Variants in FAM227B observed in about 807,000 individuals in gnomAD.
FAM227B encodes the protein family with sequence similarity 227 member B, also known as protein FAM227B.
A neutral mutation model predicts 73.8 loss-of-function variants in FAM227B; 88 were observed. The ratio of observed to expected loss-of-function variants is 1.19; its 90% CI spans 1.00 to 1.42. FAM227B has a LOEUF of 1.42. Among genes scored for constraint, FAM227B ranks in the 40% most tolerant of loss-of-function variants. FAM227B has a pLI of 0.00. For missense variants in FAM227B, 632 were observed against 590.9 expected (o/e 1.07, Z -0.72); for synonymous variants, 210 against 190.5 (o/e 1.10, Z -0.84).
At chr15:49,395,005 G>C (rs1295172937) in intron 11 of FAM227B, among the ~76,000 whole-genome samples, 2 of 152,126 alleles carry the variant, frequency 1.3e-5, no homozygotes, top group Non-Finnish European at 1.5e-5. Flanking sequence ...TTATTTAAGA[G>C]AGGAGGATTA....
chr15:49,366,706 G>C, intron 13 of FAM227B: 1 of 1,348,630 alleles, frequency 7.4e-7, no homozygotes, highest in Non-Finnish European at 1.0e-6. Flanking sequence ...GTGGCGGGTG[G>C]GGTGGCGCGG....
rs2037942465 is a variant in FAM227B, at chr15:49,328,620, G to A, written c.1475C>T (p.Ser492Leu). Residue 492 changes from serine to leucine, a missense_variant, in exon 16 of 16, where the codon TCA becomes TTA. Transcript: ENST00000299338. Reference protein sequence around the residue: ...ECVASLSSSSSSSPSSTDNYN... With the variant: ...ECVASLSSSSLSSPSSTDNYN... The stretch of plus-strand genomic sequence containing the variant: ...GTTGTCTGTTGATGATGGTGATGAT[G>A]ATGATGATGACGATAGTGATGCCAC... The A allele has an allele frequency of 3.1e-6, 5 of 1,588,190 alleles. No individual in the cohort carries two copies. The East Asian group carries it at 1.1e-4, about 36-fold the overall frequency.
At chr15:49,607,875 C>G (rs1181203400) in intron 3 of FAM227B, among the ~76,000 whole-genome samples, 1 of 152,050 alleles carries the variant, frequency 6.6e-6, no homozygotes, top group Non-Finnish European at 1.5e-5. Flanking sequence ...TCTATTTTCC[C>G]CATCTCATTT....
At chr15:49,355,292 GA>G (rs1324456236) in intron 13 of FAM227B, among the ~76,000 whole-genome samples, 1 of 152,158 alleles carries the variant, frequency 6.6e-6, no homozygotes, top group East Asian at 1.9e-4. Flanking sequence ...AAATTACTCT[GA>G]GCTACGGGAG....
intron 1 of FAM227B, among the ~76,000 whole-genome samples, chr15:49,619,943 G>A (rs879680833): frequency 1.3e-5 from 2 of 152,078 alleles, no homozygotes; most frequent in East Asian, 3.8e-4. Context: ...CCATAAAGCA[G>A]TACTTTACTA....
chr15:49,436,572 C>A (rs2051125900), intron 11 of FAM227B, among the ~76,000 whole-genome samples: 1 of 151,552 alleles, frequency 6.6e-6, no homozygotes, highest in Admixed American at 6.6e-5. Context: ...GTGTGCCTGG[C>A]ACTGTGTTAA....
chr15:49,357,109 C>G (rs1159805576), intron 13 of FAM227B, among the ~76,000 whole-genome samples: 3 of 150,860 alleles, frequency 2.0e-5, no homozygotes, highest in Non-Finnish European at 4.4e-5. Context: ...ATTTATAGCA[C>G]TAAATGCCCA....
chr15:49,361,700 T>C (rs1288330867), intron 13 of FAM227B, among the ~76,000 whole-genome samples: 2 of 152,188 alleles, frequency 1.3e-5, no homozygotes, highest in Non-Finnish European at 2.9e-5. Context: ...AGTGTTGCAA[T>C]GAGCATACGC....
chr15:49,403,305 C>G (rs75963747), intron 11 of FAM227B, among the ~76,000 whole-genome samples: 2,649 of 152,206 alleles, frequency 0.017, 100 homozygotes, highest in African/African-American at 0.061. Context: ...AGGGGTCCCT[C>G]CTTTGCAATT....
At chr15:49,420,525 AG>A (rs2049535837) in intron 11 of FAM227B, among the ~76,000 whole-genome samples, 1 of 152,188 alleles carries the variant, frequency 6.6e-6, no homozygotes, top group African/African-American at 2.4e-5. Flanking sequence ...TGCCTGTACA[AG>A]CATAGCGAAA....
At chr15:49,427,050 A>G (rs2050192361) in intron 11 of FAM227B, among the ~76,000 whole-genome samples, 1 of 152,008 alleles carries the variant, frequency 6.6e-6, no homozygotes, top group Non-Finnish European at 1.5e-5. Context: ...GGGAAATGCT[A>G]CAATGAAGAA....
At chr15:49,375,719 C>T (rs1303489283) in intron 11 of FAM227B, among the ~76,000 whole-genome samples, 2 of 152,038 alleles carry the variant, frequency 1.3e-5, no homozygotes, top group African/African-American at 2.4e-5. Flanking sequence ...TAAATGGGTT[C>T]ACAGGCAAAA....
chr15:49,368,348 A>G (rs1288420817), intron 12 of FAM227B, among the ~76,000 whole-genome samples: 2 of 152,124 alleles, frequency 1.3e-5, no homozygotes, highest in African/African-American at 4.8e-5. Flanking sequence ...AAGATTTTTT[A>G]TTGATTCCAC....
At chr15:49,397,626 T>C (rs150246326) in intron 11 of FAM227B, among the ~76,000 whole-genome samples, 29,521 of 151,898 alleles carry the variant, frequency 0.19, 3,081 homozygotes, top group South Asian at 0.26. Context: ...CAAAGGGAAG[T>C]CCATCAGACT....
intron 11 of FAM227B, among the ~76,000 whole-genome samples, chr15:49,406,435 TG>T (rs988358676): frequency 2.0e-5 from 3 of 151,460 alleles, no homozygotes; most frequent in African/African-American, 7.3e-5. Context: ...GGCACGGTGT[TG>T]GGGCGCTGGA....
chr15:49,425,208 T>G (rs1263564166), intron 11 of FAM227B: 1 of 152,008 alleles, frequency 6.6e-6, no homozygotes, highest in Non-Finnish European at 1.5e-5. Flanking sequence ...TTTCCTTAAC[T>G]AAATCTTTTA....
intron 10 of FAM227B, among the ~76,000 whole-genome samples, chr15:49,521,666 G>A (rs1161085245): frequency 6.6e-6 from 1 of 152,182 alleles, no homozygotes; most frequent in Non-Finnish European, 1.5e-5. Flanking sequence ...GTTTGGAGCT[G>A]GGGAGAGAGT....
intron 11 of FAM227B, among the ~76,000 whole-genome samples, chr15:49,465,572 G>C (rs1420915928): frequency 1.4e-5 from 2 of 146,206 alleles, no homozygotes; most frequent in Non-Finnish European, 3.0e-5. Context: ...AGATTCAAGA[G>C]AGATTTAGCC....
rs2055677785 is a variant in FAM227B, at chr15:49,479,430, ATTTGT to A, written c.1012+28776_1012+28780del. Reference sequence around the variant, plus strand: ...TCCACAAAGAAAGACAGCCTCTTCTATTTGTTTTATGTGAGGCAACGGATACACTG... The same window carrying A: ...TCCACAAAGAAAGACAGCCTCTTCTATTTATGTGAGGCAACGGATACACTG... On this transcript the variant is annotated intron_variant, in intron 11 of 15. Coordinates refer to ENST00000299338, the MANE Select transcript of FAM227B (RefSeq NM_152647.3). Among the ~76,000 whole-genome samples, 5 of 152,212 alleles carry A rather than the reference ATTTGT, an allele frequency of 3.3e-5. No individual in the cohort carries two copies. In the South Asian group the frequency reaches 1.0e-3, roughly 32 times the overall value.
Sources: gnomAD v4.1 joint callset for allele counts (sites outside exome capture counted in the v4.1 genomes callset) on GRCh38, gnomAD v4.1.1 for gene constraint, MANE v1.5 for transcripts, NCBI Gene and HGNC (gene_info 2026-07-23, HGNC 2026-07-21) for gene names.